PALB2: variants seen among roughly 807,000 people sequenced by gnomAD.
PALB2 encodes the protein mutant partner and localizer of BRCA2.
PALB2 carries 82 observed loss-of-function variants against 107.4 expected under a neutral mutation model. That is an observed-to-expected ratio of 0.76 (90% CI 0.64 to 0.92). The LOEUF is 0.92. Ranked by LOEUF, PALB2 falls within the 40% of genes least tolerant of loss-of-function variation. The pLI, the probability that PALB2 is intolerant of heterozygous loss-of-function variation, is 0.00. For synonymous variants in PALB2, 489 were observed against 496.8 expected (o/e 0.98, Z 0.21); for missense variants, 1,374 against 1,379.9 (o/e 1.00, Z 0.07).
At chr16:23,631,986 C>T (rs148763959) in intron 4 of PALB2, among the ~76,000 whole-genome samples, 8 of 152,214 alleles carry the variant, frequency 5.3e-5, no homozygotes, top group Admixed American at 2.0e-4. Flanking sequence ...AGCAATTTAC[C>T]GCTCTTATTG....
chr16:23,610,951 A>G (rs530415201), intron 11 of PALB2, among the ~76,000 whole-genome samples: 1 of 152,056 alleles, frequency 6.6e-6, no homozygotes, highest in African/African-American at 2.4e-5. Context: ...GAGGCACAGA[A>G]TTGCTTGAAC....
In PALB2 at chr16:23,635,134, C is replaced by G. The variant is rs2142416764; in HGVS notation, c.1412G>C (p.Gly471Ala). 6.2e-7 allele frequency: 1 copy of G among 1,614,134 alleles called. No individual in the cohort carries two copies. The highest frequency in any genetic ancestry group is 8.5e-7 in the Non-Finnish European group (1 of 1,180,036). Residue 471 changes from glycine (G) to alanine (A), a missense_variant, in exon 4 of 13, where the codon GGA becomes GCA. Transcript: ENST00000261584. ...CTGAGAGGTTCTTGAACTTGGTTGT[C>G]CTGTGCATGTGCCAGACATCCTAAT... is the stretch of plus-strand genomic sequence containing the variant. Reference protein sequence around the residue: ...SEIRMSGTCTGQPSSRTSQKL... With the variant: ...SEIRMSGTCTAQPSSRTSQKL...
intron 8 of PALB2, among the ~76,000 whole-genome samples, chr16:23,623,438 G>A (rs1200544721): frequency 1.4e-5 from 2 of 146,994 alleles, no homozygotes; most frequent in East Asian, 2.0e-4. Context: ...TCCTGACCTC[G>A]TGATCCACCT....
At chr16:23,634,735 TAC>T (rs1966942165) in intron 4 of PALB2, 125 bp downstream of exon 4, 1 of 1,307,410 alleles carries the variant, frequency 7.6e-7, no homozygotes, top group Non-Finnish European at 1.1e-6. Context: ...GTGCTGGGAT[TAC>T]AGACGTAAGC....
chr16:23,635,943 A>T lies in PALB2; in HGVS notation c.603T>A (p.Ser201Arg), dbSNP rs769647912. ...GAGAATCTGGAAGTTCAGATTTAAG[A>T]CTTAAAAGGTGAGTTCTTATTTCAG... ...PVTEIRTHLL[S>R]LKSELPDSPE... The change falls in exon 4 of 13, where the codon AGT (serine) becomes AGA (arginine). Residue 201 changes from serine to arginine, a missense_variant. Transcript: ENST00000261584. The T allele has an allele frequency of 6.2e-7, 1 of 1,614,170 alleles. No homozygotes were observed. The highest frequency in any genetic ancestry group is 1.3e-5 in the African/African-American group (1 of 75,040).
rs201564306 is a variant in PALB2, at chr16:23,629,371, A to G, written c.2515-96T>C. On this transcript the variant is annotated intron_variant, in intron 5 of 12. Coordinates refer to ENST00000261584, the MANE Select transcript of PALB2 (RefSeq NM_024675.4). ...AAAATGTCTACTTCGTATTGTCTTT[A>G]TTTCCTCTTATAACAGCAGCAAAGC... 14 of 1,161,010 alleles carry G rather than the reference A, an allele frequency of 1.2e-5. No homozygotes were observed. In the East Asian group the frequency reaches 3.3e-4, roughly 27 times the overall value. The allele number at this position is 1,161,010 out of a possible 1,614,324, so 71.9% of individuals were successfully genotyped here.
chr16:23,620,204 A>C (rs1330906742), intron 10 of PALB2, among the ~76,000 whole-genome samples: 1 of 152,252 alleles, frequency 6.6e-6, no homozygotes, highest in Admixed American at 6.5e-5. Flanking sequence ...CAGTCTTACC[A>C]GACTCCAAGC....
chr16:23,636,341 A>G lies in PALB2; in HGVS notation c.212-7T>C, dbSNP rs755601819. 2 of 1,573,284 alleles carry G rather than the reference A, an allele frequency of 1.3e-6. No homozygotes were observed. Among genetic ancestry groups the G allele is most frequent in the Non-Finnish European group, 1.7e-6 (2 of 1,155,752 alleles). ...CATATTTTATTTTTAGGTTCTGAGG[A>G]GGAAAAAAATGTATATAACTTATAT... On this transcript the variant is annotated splice_polypyrimidine_tract_variant and splice_region_variant and intron_variant, in intron 3 of 12. Coordinates refer to ENST00000261584, the MANE Select transcript of PALB2 (RefSeq NM_024675.4).
chr16:23,623,392 C>T (rs1250782725), intron 8 of PALB2, among the ~76,000 whole-genome samples: 9 of 149,644 alleles, frequency 6.0e-5, no homozygotes, highest in East Asian at 2.0e-4. Flanking sequence ...TTTGTAGAGA[C>T]GGGGTTTCAC....
At chr16:23,614,897 G>A (rs1466005851) in intron 10 of PALB2, among the ~76,000 whole-genome samples, 7 of 149,876 alleles carry the variant, frequency 4.7e-5, no homozygotes, top group Non-Finnish European at 8.9e-5. Context: ...TGATCCGCCC[G>A]CCTCGGCCTC....
chr16:23,635,350 G>A lies in PALB2; in HGVS notation c.1196C>T (p.Pro399Leu), dbSNP rs776115183. ...TTCTGCAGGAAACAGAAGGCCTTCA[G>A]GCACTGTGCAAGAATGTTTTTCTGC... ...LSAEKHSCTV[P>L]EGLLFPAEYY... is the part of the protein sequence containing the mutation. The change falls in exon 4 of 13, where the codon CCT becomes CTT. Residue 399 changes from proline to leucine, a missense_variant. Pro to Leu is a moderately conservative substitution (Grantham distance 98). Coordinates refer to ENST00000261584, the MANE Select transcript of PALB2 (RefSeq NM_024675.4). 1 of 1,613,984 alleles carries A rather than the reference G, an allele frequency of 6.2e-7. No homozygotes were observed. The highest frequency in any genetic ancestry group is 1.1e-5 in the South Asian group (1 of 91,082).
In PALB2 at chr16:23,635,465, T is replaced by C. The variant is rs111981798; in HGVS notation, c.1081A>G (p.Thr361Ala). Residue 361 changes from threonine (T) to alanine (A), a missense_variant, in exon 4 of 13, where the codon ACT (threonine) becomes GCT (alanine). By Grantham distance (58) the Thr-to-Ala change is moderately conservative. Transcript: ENST00000261584. ...AGATTTTCATTCCTGCCATCAAGAG[T>C]GTCACTGGGAGATTTTAAAGATTTC... is the stretch of plus-strand genomic sequence containing the variant. ...TEKSLKSPSD[T>A]LDGRNENLQE... The C allele has an allele frequency of 2.5e-6, 4 of 1,614,078 alleles. No homozygotes were observed. Among genetic ancestry groups the C allele is most frequent in the East Asian group, 2.2e-5 (1 of 44,880 alleles).
At position 23,607,907 on chromosome 16, in the gene PALB2, C is replaced by T. The variant is rs201657283; in HGVS notation, c.3307G>A (p.Val1103Met). ...GGAAGACAGTACAGCATCACACCCA[C>T]GCTGAGAGTCGTCTTAGGGTTAATC... ...IVINPKTTLSVGVMLYCLPPG... is the reference protein window; with the variant it reads ...IVINPKTTLSMGVMLYCLPPG... Residue 1103 changes from valine (V) to methionine (M), a missense_variant, in exon 12 of 13, where the codon GTG becomes ATG. Val to Met is a conservative substitution (Grantham distance 21). Coordinates refer to ENST00000261584, the MANE Select transcript of PALB2 (RefSeq NM_024675.4). The T allele has an allele frequency of 7.7e-5, 125 of 1,614,128 alleles. No individual in the cohort carries two copies. The highest frequency in any genetic ancestry group is 4.5e-4 in the East Asian group (20 of 44,892).
chr16:23,638,235 A>G (rs1967116268), intron 1 of PALB2, 106 bp from the exon 2 acceptor site: 4 of 844,886 alleles, frequency 4.7e-6, no homozygotes, highest in Non-Finnish European at 8.3e-6. Flanking sequence ...AGGGAGTAGC[A>G]CTGGTCCATA....
intron 8 of PALB2, 76 bp from the exon 9 acceptor site, chr16:23,623,206 T>C: frequency 2.4e-6 from 3 of 1,238,364 alleles, no homozygotes; most frequent in South Asian, 2.9e-5. Flanking sequence ...TTCACTTTTT[T>C]TTTTTTTTTT....
chr16:23,637,495 G>C (rs1967090007), intron 3 of PALB2, among the ~76,000 whole-genome samples: 1 of 152,034 alleles, frequency 6.6e-6, no homozygotes, highest in Non-Finnish European at 1.5e-5. Context: ...TTGAAGCCAG[G>C]GGTTCAAGAC....
chr16:23,636,668 G>C (rs1047800107), intron 3 of PALB2, among the ~76,000 whole-genome samples: 2 of 152,242 alleles, frequency 1.3e-5, no homozygotes, highest in South Asian at 2.1e-4. Context: ...GAAATTTTAA[G>C]TACATATAAA....
At chr16:23,622,505 C>T (rs980147902) in intron 9 of PALB2, among the ~76,000 whole-genome samples, 2 of 152,088 alleles carry the variant, frequency 1.3e-5, no homozygotes, top group Non-Finnish European at 2.9e-5. Context: ...AGTGATCCTT[C>T]CACCTCAGAC....
chr16:23,631,013 C>T (rs1212800441), intron 4 of PALB2, among the ~76,000 whole-genome samples: 1 of 150,410 alleles, frequency 6.6e-6, no homozygotes, highest in African/African-American at 2.4e-5. Context: ...CTTGTAGTCT[C>T]AGCACTTTCA....
Sources: allele counts gnomAD v4.1 joint callset (sites outside exome capture counted in the v4.1 genomes callset), GRCh38; gene constraint gnomAD v4.1.1; transcripts MANE v1.5; gene names NCBI Gene and HGNC (gene_info 2026-07-23, HGNC 2026-07-21).